The following PLCL1 variants were observed in gnomAD, a reference collection of about 807,000 sequenced individuals.
PLCL1 encodes phospholipase C like 1 (inactive).
Under a neutral mutation model 84.4 loss-of-function variants are expected in PLCL1, and 41 were observed. That is an observed-to-expected ratio of 0.49 (90% confidence interval 0.38 to 0.63). The LOEUF is 0.63. PLCL1 is among the 30% of genes least tolerant of loss of function. The pLI, the probability that PLCL1 is intolerant of heterozygous loss-of-function variation, is 0.00. For synonymous variants in PLCL1, 490 were observed against 488.3 expected (o/e 1.00, Z -0.05); for missense variants, 1,206 against 1,367.8 (o/e 0.88, Z 1.87).
intron 1 of PLCL1, among the ~76,000 whole-genome samples, chr2:197,963,525 A>G (rs1689665620): frequency 6.6e-6 from 1 of 151,994 alleles, no homozygotes; most frequent in South Asian, 2.1e-4. Context: ...TTTTCTCCCC[A>G]TTCTGTGTGA....
At chr2:198,032,928 T>C (rs1691460795) in intron 1 of PLCL1, among the ~76,000 whole-genome samples, 1 of 152,156 alleles carries the variant, frequency 6.6e-6, no homozygotes, top group Non-Finnish European at 1.5e-5. Context: ...TCTGTTTAAA[T>C]GCTAAGAACT....
intron 1 of PLCL1, among the ~76,000 whole-genome samples, chr2:198,009,568 A>G (rs1457515891): frequency 6.6e-6 from 1 of 151,848 alleles, no homozygotes; most frequent in Non-Finnish European, 1.5e-5. Context: ...GCCATACCAC[A>G]CTGTCTTAAT....
intron 1 of PLCL1, among the ~76,000 whole-genome samples, chr2:197,879,301 T>A (rs1031070441): frequency 9.2e-5 from 14 of 152,204 alleles, no homozygotes; most frequent in African/African-American, 3.4e-4. Context: ...TCAAAGGATT[T>A]GGAATTTCTA....
intron 1 of PLCL1, among the ~76,000 whole-genome samples, chr2:198,082,457 A>G (rs1287910704): frequency 1.3e-5 from 2 of 151,928 alleles, no homozygotes; most frequent in Non-Finnish European, 2.9e-5. Flanking sequence ...AAAAAAAGTT[A>G]TTTTTGCTCC....
chr2:197,920,993 C>A (rs1200002281), intron 1 of PLCL1, among the ~76,000 whole-genome samples: 4 of 152,170 alleles, frequency 2.6e-5, no homozygotes, highest in Non-Finnish European at 4.4e-5. Flanking sequence ...TGTCATCATA[C>A]AAACATCATA....
At chr2:197,987,863 A>G (rs533376145) in intron 1 of PLCL1, among the ~76,000 whole-genome samples, 1 of 152,332 alleles carries the variant, frequency 6.6e-6, no homozygotes, top group Non-Finnish European at 1.5e-5. Flanking sequence ...AGTTTTGAAA[A>G]CATGGGTCAC....
At chr2:198,094,456 A>G (rs926885106) in intron 3 of PLCL1, among the ~76,000 whole-genome samples, 7 of 152,086 alleles carry the variant, frequency 4.6e-5, no homozygotes, top group African/African-American at 1.7e-4. Flanking sequence ...TTGTAGCAAA[A>G]TGGGCCTATT....
rs531808855 is a variant in PLCL1, at chr2:198,067,448, C to T, written c.241-16310C>T. Among the ~76,000 whole-genome samples the T allele has an allele frequency of 4.6e-5, 7 of 152,172 alleles. No individual in the cohort carries two copies. The East Asian group carries it at 5.8e-4, about 13-fold the overall frequency. ...TGGCCTTTGTGGCCCTCTTTTTGAG[C>T]GGCATTTTTGCCAAGTAATATAGCA... On this transcript the variant is annotated intron_variant, in intron 1 of 5. Transcript: ENST00000428675.
chr2:198,047,717 G>T (rs1166937054), intron 1 of PLCL1, among the ~76,000 whole-genome samples: 1 of 152,190 alleles, frequency 6.6e-6, no homozygotes, highest in African/African-American at 2.4e-5. Context: ...TTATAAATTG[G>T]TGTGAACTTA....
chr2:197,874,006 T>G (rs981957501), intron 1 of PLCL1, among the ~76,000 whole-genome samples: 2 of 152,218 alleles, frequency 1.3e-5, no homozygotes, highest in Non-Finnish European at 2.9e-5. Flanking sequence ...TAACGCAATA[T>G]TATCAATAGT....
At chr2:198,044,474 G>A (rs564276752) in intron 1 of PLCL1, among the ~76,000 whole-genome samples, 1 of 152,310 alleles carries the variant, frequency 6.6e-6, no homozygotes, top group Admixed American at 6.5e-5. Flanking sequence ...GAGGAATCCT[G>A]CGAAGCTCAA....
chr2:198,085,163 A>T lies in PLCL1; in HGVS notation c.1646A>T (p.Asp549Val), dbSNP rs1692834715. Residue 549 changes from aspartate (D) to valine (V), a missense_variant, in exon 2 of 6, where the codon GAT becomes GTT. Coordinates refer to ENST00000428675, the MANE Select transcript of PLCL1 (RefSeq NM_006226.4). The surrounding 1 kb of genome is among the most constrained non-coding windows in gnomAD (Gnocchi z 5.3). ...VKGKKLPSDP[D>V]VLEGEVTDED... ...GGAAAGAAGTTGCCTTCTGATCCAG[A>T]TGTGTTAGAAGGAGAAGTAACAGAT... 5 of 1,613,488 alleles carry T rather than the reference A, an allele frequency of 3.1e-6. No homozygotes were observed. Among genetic ancestry groups the T allele is most frequent in the Non-Finnish European group, 3.4e-6 (4 of 1,179,438 alleles).
At chr2:197,849,753 T>C (rs1382480105) in intron 1 of PLCL1, among the ~76,000 whole-genome samples, 1 of 151,446 alleles carries the variant, frequency 6.6e-6, no homozygotes, top group Non-Finnish European at 1.5e-5. Flanking sequence ...AATCAAGAGG[T>C]TTTAAAGAGC....
chr2:197,837,571 A>C (rs1320691783), intron 1 of PLCL1, among the ~76,000 whole-genome samples: 1 of 152,194 alleles, frequency 6.6e-6, no homozygotes, highest in Non-Finnish European at 1.5e-5. Flanking sequence ...AACTTGGCTA[A>C]GCTAAGGATG....
intron 5 of PLCL1, among the ~76,000 whole-genome samples, chr2:198,107,295 T>C (rs146240143): frequency 3.3e-5 from 5 of 151,956 alleles, no homozygotes; most frequent in African/African-American, 1.2e-4. Context: ...ACCAGGTCCC[T>C]CCTACAACAC....
chr2:198,047,265 C>T (rs1574272075), intron 1 of PLCL1, among the ~76,000 whole-genome samples: 1 of 151,988 alleles, frequency 6.6e-6, no homozygotes, highest in Admixed American at 6.6e-5. Flanking sequence ...CTCACTGCAA[C>T]CTCTGCCACC....
chr2:197,866,192 A>T (rs1687539015), intron 1 of PLCL1, among the ~76,000 whole-genome samples: 1 of 109,276 alleles, frequency 9.2e-6, no homozygotes, highest in South Asian at 2.8e-4. Flanking sequence ...ATATATATAA[A>T]CTATATATAT....
At chr2:198,086,457 T>TA (rs1692883457) in intron 2 of PLCL1, among the ~76,000 whole-genome samples, 1 of 152,028 alleles carries the variant, frequency 6.6e-6, no homozygotes. Flanking sequence ...CCTGTATTTC[T>TA]AAAAAACATG....
intron 1 of PLCL1, among the ~76,000 whole-genome samples, chr2:197,982,356 T>A (rs1690124060): frequency 2.0e-5 from 3 of 152,168 alleles, no homozygotes; most frequent in African/African-American, 7.2e-5. Flanking sequence ...ACTTTCCAAA[T>A]GTTAAGTGTA....
Sources: gnomAD v4.1 joint callset for allele counts (sites outside exome capture counted in the v4.1 genomes callset) on GRCh38, gnomAD v4.1.1 for gene constraint, Gnocchi (gnomAD v3.1) non-coding constraint, MANE v1.5 for transcripts, NCBI Gene and HGNC (gene_info 2026-07-23, HGNC 2026-07-21) for gene names.